The following PLPP1 variants were observed in gnomAD, a reference collection of about 807,000 sequenced individuals.
PLPP1 encodes phospholipid phosphatase 1.
PLPP1 carries 24 observed loss-of-function variants against 31.2 expected under a neutral mutation model. That is an observed-to-expected ratio of 0.77 (90% confidence interval 0.56 to 1.08). The LOEUF (loss-of-function observed/expected upper bound fraction) is 1.08. Among genes scored for constraint, PLPP1 ranks in the 50% least tolerant of loss-of-function variants. The probability of loss-of-function intolerance (pLI) is 0.00; values close to 1 mark genes in which losing one functional copy is unlikely to be tolerated. For synonymous variants in PLPP1, 146 were observed against 126.3 expected (o/e 1.16, Z -1.05); for missense variants, 319 against 342.7 (o/e 0.93, Z 0.55).
intron 1 of PLPP1, chr5:55,490,891 C>T (rs1183193290): frequency 6.7e-7 from 1 of 1,491,312 alleles, no homozygotes; most frequent in Non-Finnish European, 9.2e-7. Flanking sequence ...TTACCCCCGC[C>T]CCAACTCCAT....
intron 1 of PLPP1, among the ~76,000 whole-genome samples, chr5:55,481,187 A>G (rs1752661062): frequency 6.6e-6 from 1 of 152,228 alleles, no homozygotes; most frequent in Non-Finnish European, 1.5e-5. Context: ...TCTTGGAACC[A>G]TAATACAAAT....
intron 4 of PLPP1, among the ~76,000 whole-genome samples, chr5:55,426,949 AAGTT>A (rs1242113639): frequency 6.6e-6 from 1 of 152,068 alleles, no homozygotes; most frequent in Admixed American, 6.5e-5. Flanking sequence ...TATCCCCTTT[AAGTT>A]AAGTTCTATG....
At chr5:55,492,415 C>T (rs191646439) in intron 1 of PLPP1, among the ~76,000 whole-genome samples, 103 of 151,946 alleles carry the variant, frequency 6.8e-4, no homozygotes, top group Admixed American at 3.7e-3. Context: ...CCATAAAAGG[C>T]AGAAATATGC....
intron 3 of PLPP1, among the ~76,000 whole-genome samples, chr5:55,451,719 G>A (rs368881712): frequency 6.6e-6 from 1 of 152,120 alleles, no homozygotes. Context: ...GCACCACCAT[G>A]CCTGGCTAAT....
intron 4 of PLPP1, among the ~76,000 whole-genome samples, chr5:55,437,896 G>A (rs10805475): frequency 0.87 from 132,182 of 151,838 alleles, 57,772 homozygotes; most frequent in South Asian, 0.92. Flanking sequence ...AATGCTAGGA[G>A]GTATACAGTG....
chr5:55,490,369 C>T (rs1377929826), intron 1 of PLPP1, among the ~76,000 whole-genome samples: 2 of 151,826 alleles, frequency 1.3e-5, no homozygotes, highest in Admixed American at 6.6e-5. Context: ...AGGCTGGTCT[C>T]GAACTCCTGA....
At chr5:55,515,015 G>A (rs557680082) in intron 1 of PLPP1, among the ~76,000 whole-genome samples, 2 of 152,300 alleles carry the variant, frequency 1.3e-5, no homozygotes, top group South Asian at 2.1e-4. Context: ...TAACAAATCC[G>A]TGACGTAGAC....
intron 4 of PLPP1, among the ~76,000 whole-genome samples, chr5:55,435,727 G>A (rs4865603): frequency 0.86 from 130,756 of 152,046 alleles, 56,612 homozygotes; most frequent in South Asian, 0.92. Context: ...CATATTCTTC[G>A]CCTGACCTTC....
intron 1 of PLPP1, among the ~76,000 whole-genome samples, chr5:55,488,458 C>CTGT (rs1385262670): frequency 1.3e-5 from 2 of 151,848 alleles, no homozygotes; most frequent in African/African-American, 2.4e-5. Context: ...CCAGCCTGGC[C>CTGT]AACATGGTAA....
At chr5:55,449,439 A>G (rs1383856783) in intron 3 of PLPP1, among the ~76,000 whole-genome samples, 1 of 152,160 alleles carries the variant, frequency 6.6e-6, no homozygotes, top group Admixed American at 6.5e-5. Flanking sequence ...CTTCCCCGCC[A>G]AATACACACA....
chr5:55,444,808 T>C (rs1751718553), intron 3 of PLPP1, among the ~76,000 whole-genome samples: 1 of 148,174 alleles, frequency 6.7e-6, no homozygotes, highest in Admixed American at 6.8e-5. Flanking sequence ...TGGAGTGCAG[T>C]GGCGTGATTT....
At chr5:55,519,747 C>CA (rs528201029) in intron 1 of PLPP1, among the ~76,000 whole-genome samples, 17,539 of 122,812 alleles carry the variant, frequency 0.14, 1,050 homozygotes, top group Middle Eastern at 0.18. Context: ...AATTCTGTCT[C>CA]AAAAAAAAAA....
At chr5:55,432,071 C>T (rs1346192689) in intron 4 of PLPP1, among the ~76,000 whole-genome samples, 1 of 151,012 alleles carries the variant, frequency 6.6e-6, no homozygotes, top group African/African-American at 2.4e-5. Context: ...ACAGAGCATG[C>T]CAGCATGAAT....
intron 4 of PLPP1, among the ~76,000 whole-genome samples, chr5:55,434,019 C>G (rs1751432482): frequency 6.6e-6 from 1 of 151,292 alleles, no homozygotes; most frequent in Admixed American, 6.6e-5. Flanking sequence ...ATCCTAGCTA[C>G]TGGGAAGGCT....
intron 4 of PLPP1, among the ~76,000 whole-genome samples, chr5:55,429,785 G>C (rs1275466646): frequency 1.3e-5 from 2 of 152,098 alleles, no homozygotes; most frequent in East Asian, 3.9e-4. Context: ...CTGGCAGTGA[G>C]CCAGCAGAGC....
intron 2 of PLPP1, among the ~76,000 whole-genome samples, chr5:55,471,241 G>T (rs1464689562): frequency 7.0e-6 from 1 of 142,562 alleles, no homozygotes; most frequent in Non-Finnish European, 1.5e-5. Flanking sequence ...TTGCTCTGTC[G>T]CCCAGGCTAG....
chr5:55,427,677 G>A (rs1751239918), intron 4 of PLPP1, among the ~76,000 whole-genome samples: 1 of 150,012 alleles, frequency 6.7e-6, no homozygotes, highest in African/African-American at 2.5e-5. Flanking sequence ...AACTCATATT[G>A]AATATTATTT....
chr5:55,482,300 G>A (rs972403004), intron 1 of PLPP1, among the ~76,000 whole-genome samples: 12 of 151,366 alleles, frequency 7.9e-5, no homozygotes, highest in African/African-American at 2.7e-4. Flanking sequence ...TTTTAATGAG[G>A]TATCTGATAG....
intron 1 of PLPP1, among the ~76,000 whole-genome samples, chr5:55,502,355 C>T (rs1416041327): frequency 6.6e-6 from 1 of 152,096 alleles, no homozygotes; most frequent in East Asian, 1.9e-4. Context: ...GGCATGGTGG[C>T]GCACACCTGT....
Sources: gnomAD v4.1 joint callset for allele counts (sites outside exome capture counted in the v4.1 genomes callset) on GRCh38, gnomAD v4.1.1 for gene constraint, MANE v1.5 for transcripts, NCBI Gene and HGNC (gene_info 2026-07-23, HGNC 2026-07-21) for gene names.